The following LPP variants were observed in gnomAD, a reference collection of about 807,000 sequenced individuals.
LPP encodes lipoma-preferred partner.
A neutral mutation model predicts 60.4 loss-of-function variants in LPP; 38 were observed. The ratio of observed to expected loss-of-function variants is 0.63; its 90% CI spans 0.49 to 0.83. The LOEUF (loss-of-function observed/expected upper bound fraction) is 0.83, where lower values mean the gene tolerates loss of function less well. LPP is among the 40% of genes least tolerant of loss of function. The probability of loss-of-function intolerance (pLI) is 0.00; values close to 1 mark genes in which losing one functional copy is unlikely to be tolerated. For missense variants in LPP, 902 were observed against 783.6 expected, an observed-to-expected ratio of 1.15 and a Z score of -1.80; for synonymous variants, 328 against 290.8, an observed-to-expected ratio of 1.13 and a Z score of -1.30.
intron 6 of LPP, among the ~76,000 whole-genome samples, chr3:188,582,134 C>T (rs1462275627): frequency 2.0e-5 from 3 of 146,632 alleles, no homozygotes; most frequent in Non-Finnish European, 4.5e-5. Context: ...CCTTGAATGT[C>T]GTTTTACCTT....
chr3:188,336,381 C>G (rs1358971510), intron 2 of LPP, among the ~76,000 whole-genome samples: 1 of 152,148 alleles, frequency 6.6e-6, no homozygotes, highest in Non-Finnish European at 1.5e-5. Flanking sequence ...TCTACAAACT[C>G]AGTCCCAGCT....
chr3:188,521,959 C>T (rs1473681180), intron 5 of LPP, among the ~76,000 whole-genome samples: 1 of 152,158 alleles, frequency 6.6e-6, no homozygotes, highest in Non-Finnish European at 1.5e-5. Context: ...ACAATAATGT[C>T]CTGTCTTTCC....
At chr3:188,466,675 A>AAAT (rs1800458324) in intron 4 of LPP, among the ~76,000 whole-genome samples, 1 of 150,708 alleles carries the variant, frequency 6.6e-6, no homozygotes, top group African/African-American at 2.4e-5. Context: ...TTTTTTCCCT[A>AAAT]AATAAACTTG....
At chr3:188,867,924 A>G (rs376087584) in intron 10 of LPP, among the ~76,000 whole-genome samples, 8 of 152,340 alleles carry the variant, frequency 5.3e-5, no homozygotes, top group South Asian at 2.1e-4. Context: ...TATTTTAAGA[A>G]TGAATGTCCT....
At position 188,511,751 on chromosome 3, in the gene LPP, C is replaced by T. The variant is rs372292897; in HGVS notation, c.307-12914C>T. ...AATCTCTAGGATTGCTGGAATAGCT[C>T]GATGAGATCGTATATATGAAAATGC... On this transcript the variant is annotated intron_variant, in intron 5 of 11. Transcript: ENST00000617246. Among the ~76,000 whole-genome samples, 99 of 152,204 alleles carry T rather than the reference C, an allele frequency of 6.5e-4. 1 individual carries two copies. The highest frequency in any genetic ancestry group is 2.3e-3 in the African/African-American group (94 of 41,516).
chr3:188,227,640 C>G (rs1560129932), intron 2 of LPP, among the ~76,000 whole-genome samples: 1 of 152,118 alleles, frequency 6.6e-6, no homozygotes, highest in Non-Finnish European at 1.5e-5. Context: ...ACAGTTTGAA[C>G]AGGACTCTAG....
At chr3:188,295,874 A>G (rs916437738) in intron 2 of LPP, among the ~76,000 whole-genome samples, 3 of 152,208 alleles carry the variant, frequency 2.0e-5, no homozygotes, top group African/African-American at 2.4e-5. Flanking sequence ...ACCCAGGGGC[A>G]GTGTAGGTGA....
chr3:188,417,595 C>T (rs116327663), intron 4 of LPP, among the ~76,000 whole-genome samples: 70 of 152,190 alleles, frequency 4.6e-4, no homozygotes, highest in South Asian at 2.1e-4. Flanking sequence ...AATGTTCTAG[C>T]GTGCTCTGAA....
intron 7 of LPP, among the ~76,000 whole-genome samples, chr3:188,686,057 C>T (rs191533043): frequency 5.3e-5 from 8 of 152,256 alleles, no homozygotes; most frequent in African/African-American, 1.9e-4. Context: ...GCATTGCTCA[C>T]CTCTCTAATC....
At chr3:188,600,065 T>C (rs1231969399) in intron 6 of LPP, among the ~76,000 whole-genome samples, 1 of 151,840 alleles carries the variant, frequency 6.6e-6, no homozygotes, top group Non-Finnish European at 1.5e-5. Flanking sequence ...TGTAACCTTT[T>C]AAAATACATT....
In LPP at chr3:188,217,876, G is replaced by A. The variant is rs1351804958; in HGVS notation, c.-189-7529G>A. Among the ~76,000 whole-genome samples the A allele has an allele frequency of 1.3e-5, 2 of 152,196 alleles. No individual in the cohort carries two copies. Among genetic ancestry groups the A allele is most frequent in the African/African-American group, 2.4e-5 (1 of 41,432 alleles). On this transcript the variant is annotated intron_variant, in intron 1 of 11. Transcript: ENST00000617246. This position sits in a 1 kb window ranked among gnomAD's most constrained non-coding sequence, Gnocchi z 4.0. ...GCTTCCTGCCTTTGGCTTCCCAGCTGAGAGCTGTTGGAACGCCCCAAAATA... is the reference window on the plus strand; with the variant it reads ...GCTTCCTGCCTTTGGCTTCCCAGCTAAGAGCTGTTGGAACGCCCCAAAATA...
intron 5 of LPP, among the ~76,000 whole-genome samples, chr3:188,505,556 A>G (rs918527513): frequency 2.0e-5 from 3 of 152,190 alleles, no homozygotes; most frequent in African/African-American, 7.2e-5. Context: ...CATAGATAAC[A>G]CCTGCCTTTT....
At position 188,394,020 on chromosome 3, in the gene LPP, G is replaced by A. The variant is rs144993899; in HGVS notation, c.-9-12092G>A. ...ATTAATTTTTCTATTTATACTTGGG[G>A]TTTTGTTTATGATTTGGCATGAAGA... On this transcript the variant is annotated intron_variant, in intron 3 of 11. Transcript: ENST00000617246. Among the ~76,000 whole-genome samples, 7 of 152,232 alleles carry A rather than the reference G, an allele frequency of 4.6e-5. No individual in the cohort carries two copies. In the East Asian group the frequency reaches 1.2e-3, roughly 25 times the overall value.
chr3:188,166,629 A>G (rs1720027170), intron 1 of LPP, among the ~76,000 whole-genome samples: 1 of 152,198 alleles, frequency 6.6e-6, no homozygotes, highest in Admixed American at 6.5e-5. Flanking sequence ...ATTTGCCCAG[A>G]ACCCAAGCAA....
intron 3 of LPP, among the ~76,000 whole-genome samples, chr3:188,365,658 T>C (rs1424665327): frequency 6.6e-6 from 1 of 151,944 alleles, no homozygotes; most frequent in African/African-American, 2.4e-5. Flanking sequence ...AACATCTTGG[T>C]AATGTCTTTC....
intron 9 of LPP, among the ~76,000 whole-genome samples, chr3:188,838,623 A>G (rs1489969565): frequency 6.6e-6 from 1 of 152,182 alleles, no homozygotes; most frequent in Admixed American, 6.5e-5. Flanking sequence ...AGTTGAAGTC[A>G]GGACTGGATA....
chr3:188,416,895 C>G (rs542000045), intron 4 of LPP, among the ~76,000 whole-genome samples: 2 of 152,166 alleles, frequency 1.3e-5, no homozygotes, highest in South Asian at 4.1e-4. Context: ...TGTAAATTAT[C>G]TAAAAATGGA....
intron 10 of LPP, among the ~76,000 whole-genome samples, chr3:188,869,847 G>T (rs549377516): frequency 3.7e-4 from 56 of 152,222 alleles, no homozygotes; most frequent in Middle Eastern, 3.4e-3. Context: ...CAGCCTACTG[G>T]ACATGCAATC....
rs549506169 is a variant in LPP, at chr3:188,279,221, A to G, written c.-67+53694A>G. On this transcript the variant is annotated intron_variant, in intron 2 of 11. Coordinates refer to ENST00000617246, the MANE Select transcript of LPP (RefSeq NM_001375462.1). ...TATTTAAGGAAATGGCGTAGAAGCC[A>G]TTATCCAAAGAGCTGGATTCCAGTC... Among the ~76,000 whole-genome samples, 5 of 152,338 alleles carry G rather than the reference A, an allele frequency of 3.3e-5. No homozygotes were observed. The South Asian group carries it at 1.0e-3, about 32-fold the overall frequency.
Sources: gnomAD v4.1 joint callset for allele counts (sites outside exome capture counted in the v4.1 genomes callset) on GRCh38, gnomAD v4.1.1 for gene constraint, Gnocchi (gnomAD v3.1) non-coding constraint, MANE v1.5 for transcripts, NCBI Gene and HGNC (gene_info 2026-07-23, HGNC 2026-07-21) for gene names.